Variants in SPIN2A observed in about 807,000 individuals in gnomAD.
SPIN2A encodes the protein spindlin family member 2A.
In SPIN2A, 4 loss-of-function variants were observed where a neutral mutation model predicts 9.2. That is an observed-to-expected ratio of 0.44 (90% CI 0.21 to 1.00). The LOEUF is 1.00. Among genes scored for constraint, SPIN2A ranks in the 50% least tolerant of loss-of-function variants. SPIN2A has a pLI of 0.26. For missense variants in SPIN2A, 77 were observed against 172.8 expected, an observed-to-expected ratio of 0.45 and a Z score of 3.11; for synonymous variants, 25 against 61.2, an observed-to-expected ratio of 0.41 and a Z score of 2.76.
At chrX:57,137,102 A>T in intron 1 of SPIN2A, 158 bp downstream of exon 1, 1 of 764,568 alleles carries the variant, frequency 1.3e-6, no homozygotes, top group Non-Finnish European at 1.5e-6. Context: ...CGTCCACCGC[A>T]CTCCCCCACC....
At chrX:57,145,169 C>A in the SPIN2A span, among the ~76,000 whole-genome samples, 2 of 110,973 alleles carry the variant, frequency 1.8e-5, no homozygotes, top group Non-Finnish European at 3.8e-5. Context: ...TTTACATTCC[C>A]ACCAGCAGTG....
chrX:57,142,901 T>TTGTCTGATA, the SPIN2A span, among the ~76,000 whole-genome samples: 1 of 111,923 alleles, frequency 8.9e-6, no homozygotes, highest in Middle Eastern at 4.2e-3. Flanking sequence ...GACATCTACT[T>TTGTCTGATA]TGTCTGATAT....
chrX:57,137,976 C>T (rs1487331205), upstream of SPIN2A, among the ~76,000 whole-genome samples: 4 of 111,499 alleles, frequency 3.6e-5, no homozygotes, highest in Non-Finnish European at 7.5e-5. Context: ...ATACACACCT[C>T]TATCCAATCA....
upstream of SPIN2A, among the ~76,000 whole-genome samples, chrX:57,139,297 A>G (rs1927932161): frequency 1.8e-5 from 2 of 112,282 alleles, no homozygotes; most frequent in South Asian, 7.3e-4. Flanking sequence ...TCCCAACAAC[A>G]TTTATTACAG....
chrX:57,137,167 A>G (rs1261237639), intron 1 of SPIN2A, 93 bp downstream of exon 1: 1 of 747,859 alleles, frequency 1.3e-6, no homozygotes, highest in East Asian at 1.5e-4. Context: ...ATTCCTTCCC[A>G]TCCCCCTCTC....
Position 57,136,504 on chromosome X carries a change from CT to C in SPIN2A, c.93del (p.Val32SerfsTer47). ...CGGCCTCTCTGCTTCTTTTGGGAGA[CT>C]TTTTTCTTTGTCATGTTTGCAGACC... Reference protein sequence around the residue: ...ATGSANMTKKKVSQKKQRGRP... With the variant: ...ATGSANMTKKXVSQKKQRGRP... On this transcript the variant is annotated frameshift_variant, in exon 2 of 2. Coordinates refer to ENST00000374906, the MANE Select transcript of SPIN2A (RefSeq NM_019003.5). LOFTEE classifies it high-confidence loss of function. 7 of 474,159 alleles carry C rather than the reference CT, an allele frequency of 1.5e-5. No homozygotes were observed. Among genetic ancestry groups the C allele is most frequent in the Non-Finnish European group, 2.2e-5 (7 of 313,710 alleles). The allele number at this position is 474,159 out of a possible 1,213,427, so 39.1% of individuals were successfully genotyped here.
chrX:57,144,459 C>T, the SPIN2A span, among the ~76,000 whole-genome samples: 1 of 106,877 alleles, frequency 9.4e-6, no homozygotes, highest in Non-Finnish European at 1.9e-5. Flanking sequence ...TTTTTTTTTC[C>T]CCTACTTGAG....
At chrX:57,138,523 G>GT (rs1458200476), upstream of SPIN2A, among the ~76,000 whole-genome samples, 3 of 110,898 alleles carry the variant, frequency 2.7e-5, no homozygotes, top group Non-Finnish European at 5.7e-5. Context: ...AAATAAATAT[G>GT]TGAGTGCAGA....
upstream of SPIN2A, among the ~76,000 whole-genome samples, chrX:57,142,322 A>G (rs1928025101): frequency 1.8e-5 from 2 of 111,787 alleles, no homozygotes; most frequent in African/African-American, 6.5e-5. Context: ...CATTTGTTTC[A>G]AGAAACTTTA....
the SPIN2A span, among the ~76,000 whole-genome samples, chrX:57,144,486 C>T: frequency 9.2e-6 from 1 of 108,752 alleles, no homozygotes; most frequent in Admixed American, 9.9e-5. Context: ...TTCTGGATCT[C>T]GTAAGCACAC....
chrX:57,142,783 C>T, the SPIN2A span, among the ~76,000 whole-genome samples: 1 of 111,528 alleles, frequency 9.0e-6, no homozygotes, highest in African/African-American at 3.3e-5. Context: ...TATCTCTGTG[C>T]ACTGGTGCTG....
At chrX:57,140,929 C>A (rs1266178733), upstream of SPIN2A, among the ~76,000 whole-genome samples, 1 of 111,635 alleles carries the variant, frequency 9.0e-6, no homozygotes, top group East Asian at 2.8e-4. Context: ...CAGCATTATG[C>A]AGTGTATTTA....
the SPIN2A span, among the ~76,000 whole-genome samples, chrX:57,143,455 T>C: frequency 9.1e-6 from 1 of 110,395 alleles, no homozygotes; most frequent in African/African-American, 3.3e-5. Context: ...TTTTATATTG[T>C]CTGTCTCTTA....
At chrX:57,136,921 C>T in intron 1 of SPIN2A, 1 of 758,486 alleles carries the variant, frequency 1.3e-6, no homozygotes, top group Non-Finnish European at 1.8e-6. Flanking sequence ...TCCCAATCCC[C>T]TGCAAAGCGG....
the SPIN2A span, among the ~76,000 whole-genome samples, chrX:57,145,967 A>G: frequency 2.7e-5 from 3 of 110,232 alleles, no homozygotes; most frequent in Non-Finnish European, 5.7e-5. Flanking sequence ...ATGGCCTTAT[A>G]GTATAGTTTG....
At chrX:57,143,083 TA>T in the SPIN2A span, among the ~76,000 whole-genome samples, 3 of 111,576 alleles carry the variant, frequency 2.7e-5, no homozygotes, top group Non-Finnish European at 5.7e-5. Flanking sequence ...GTCTTTTGAT[TA>T]GATCATTTAT....
the SPIN2A span, among the ~76,000 whole-genome samples, chrX:57,146,163 G>A: frequency 9.1e-6 from 1 of 110,380 alleles, no homozygotes. Context: ...TAACAGTATG[G>A]TCTTTTTCAC....
Position 57,136,143 on chromosome X carries a change from A to G in SPIN2A, c.455T>C (p.Leu152Ser), listed in dbSNP as rs1305951854. Reference sequence around the variant, plus strand: ...GGCTTTCATGATAGGTGCTTGAGCTAAGACCATCCCCCTCCATTCATCCTT... The same window carrying G: ...GGCTTTCATGATAGGTGCTTGAGCTGAGACCATCCCCCTCCATTCATCCTT... ...GSKDEWRGMV[L>S]AQAPIMKAWF... The change falls in exon 2 of 2, where the codon TTA becomes TCA. Residue 152 changes from leucine to serine, a missense_variant. By Grantham distance (145) the Leu-to-Ser change is moderately radical (BLOSUM62 -2). Transcript: ENST00000374906. 1.7e-6 allele frequency: 2 copies of G among 1,209,886 alleles called. No individual in the cohort carries two copies. The highest frequency in any genetic ancestry group is 2.2e-6 in the Non-Finnish European group (2 of 895,084).
upstream of SPIN2A, among the ~76,000 whole-genome samples, chrX:57,140,020 G>C: frequency 9.0e-6 from 1 of 111,586 alleles, no homozygotes; most frequent in Non-Finnish European, 1.9e-5. Flanking sequence ...TTTTTGTGTT[G>C]TCTTTATTTT....
Sources: gnomAD v4.1 joint callset for allele counts (sites outside exome capture counted in the v4.1 genomes callset) on GRCh38, gnomAD v4.1.1 for gene constraint, MANE v1.5 for transcripts, NCBI Gene and HGNC (gene_info 2026-07-23, HGNC 2026-07-21) for gene names.